Variants in SPOCK1 observed in about 807,000 individuals in gnomAD.
The protein encoded by SPOCK1 is testican-1.
SPOCK1 carries 23 observed loss-of-function variants against 55.3 expected under a neutral mutation model. The observed-to-expected ratio is 0.42, with a 90% CI of 0.30 to 0.59. SPOCK1 has a LOEUF of 0.59. Ranked by LOEUF, SPOCK1 falls within the 20% of genes least tolerant of loss-of-function variation. The pLI is 0.22. For missense variants in SPOCK1, 499 were observed against 552.5 expected, an observed-to-expected ratio of 0.90 and a Z score of 0.97; for synonymous variants, 226 against 221.0, an observed-to-expected ratio of 1.02 and a Z score of -0.20.
chr5:137,204,144 C>T (rs1244570156), intron 3 of SPOCK1, among the ~76,000 whole-genome samples: 4 of 152,196 alleles, frequency 2.6e-5, no homozygotes, highest in African/African-American at 9.6e-5. Flanking sequence ...CTACTCCTAA[C>T]TCTTGGTCTG....
chr5:137,170,279 T>C (rs1237629583), intron 3 of SPOCK1, among the ~76,000 whole-genome samples: 1 of 152,214 alleles, frequency 6.6e-6, no homozygotes, highest in Non-Finnish European at 1.5e-5. Flanking sequence ...TATTTTTGAT[T>C]CATGGTTGGT....
rs577839256 is a variant in SPOCK1, at chr5:137,418,254, G to A, written c.186+80119C>T. On this transcript the variant is annotated intron_variant, in intron 2 of 10. Transcript: ENST00000394945. ...AGTCTTTGCTATTGTGAATAGTGCCGCAATAAACACACGTGTACATGTGTC... is the reference window on the plus strand; with the variant it reads ...AGTCTTTGCTATTGTGAATAGTGCCACAATAAACACACGTGTACATGTGTC... 1.1e-3 allele frequency among the ~76,000 whole-genome samples: 171 copies of A among 151,996 alleles called. 5 individuals carry two copies. Among genetic ancestry groups the A allele is most frequent in the Admixed American group, 8.5e-4 (13 of 15,252 alleles).
chr5:137,063,164 C>T (rs969809878), intron 6 of SPOCK1, among the ~76,000 whole-genome samples: 23 of 144,550 alleles, frequency 1.6e-4, no homozygotes, highest in African/African-American at 5.2e-4. Flanking sequence ...ACCCGGGAAG[C>T]GGAGCTTGCA....
intron 2 of SPOCK1, among the ~76,000 whole-genome samples, chr5:137,408,770 C>A (rs1469635792): frequency 6.6e-6 from 1 of 152,192 alleles, no homozygotes; most frequent in Admixed American, 6.5e-5. Flanking sequence ...CCCTGGAAAT[C>A]AGAATAAGAT....
At chr5:137,062,771 G>T (rs1161843532) in intron 6 of SPOCK1, among the ~76,000 whole-genome samples, 1 of 151,960 alleles carries the variant, frequency 6.6e-6, no homozygotes, top group Non-Finnish European at 1.5e-5. Context: ...CCAACGCAGA[G>T]ATTTCAATTT....
intron 2 of SPOCK1, chr5:137,364,989 G>T (rs1219204117): frequency 4.6e-5 from 7 of 152,260 alleles, no homozygotes; most frequent in Admixed American, 4.6e-4. Flanking sequence ...GTCCCAGATG[G>T]AATGTGAGCT....
chr5:137,296,109 T>G (rs972291861), intron 2 of SPOCK1, among the ~76,000 whole-genome samples: 10 of 152,182 alleles, frequency 6.6e-5, no homozygotes, highest in African/African-American at 2.2e-4. Flanking sequence ...GAGGACACAG[T>G]GAGAAAACAG....
At chr5:137,434,191 G>C (rs897686526) in intron 2 of SPOCK1, among the ~76,000 whole-genome samples, 3 of 152,198 alleles carry the variant, frequency 2.0e-5, no homozygotes, top group African/African-American at 7.2e-5. Context: ...TTCGTGAACA[G>C]CCTCCAAATA....
chr5:137,143,196 TG>T (rs1754131511), intron 3 of SPOCK1, among the ~76,000 whole-genome samples: 1 of 112,870 alleles, frequency 8.9e-6, no homozygotes, highest in Admixed American at 8.7e-5. Flanking sequence ...GCAGAGAACT[TG>T]AGATTTTCAC....
chr5:137,371,556 T>C (rs1159695669), intron 2 of SPOCK1, among the ~76,000 whole-genome samples: 2 of 152,312 alleles, frequency 1.3e-5, no homozygotes, highest in South Asian at 4.1e-4. Flanking sequence ...ATGAACTGCA[T>C]ACACAGCCTT....
intron 5 of SPOCK1, among the ~76,000 whole-genome samples, chr5:137,089,563 C>T (rs1418419649): frequency 6.6e-6 from 1 of 152,160 alleles, no homozygotes; most frequent in East Asian, 1.9e-4. Context: ...TCAGCATCTC[C>T]TCAGTGACCT....
chr5:137,417,174 T>C (rs1027564503), intron 2 of SPOCK1, among the ~76,000 whole-genome samples: 1 of 152,044 alleles, frequency 6.6e-6, no homozygotes, highest in Admixed American at 6.6e-5. Flanking sequence ...GAGCCCAAGT[T>C]CTTAACGTTA....
At chr5:137,143,649 T>A (rs899151668) in intron 3 of SPOCK1, among the ~76,000 whole-genome samples, 2 of 152,244 alleles carry the variant, frequency 1.3e-5, no homozygotes, top group Non-Finnish European at 2.9e-5. Context: ...GCACCTCATA[T>A]GTGTTTATTA....
At chr5:136,985,259 G>A in intron 8 of SPOCK1, 57 bp from the exon 9 acceptor site, 2 of 1,467,226 alleles carry the variant, frequency 1.4e-6, no homozygotes, top group Admixed American at 1.7e-5. Context: ...AATCGCTAAT[G>A]ATTGACTTCA....
Position 137,272,044 on chromosome 5 carries a change from T to C in SPOCK1, c.187-4989A>G, listed in dbSNP as rs913105182. Among the ~76,000 whole-genome samples, 4 of 152,300 alleles carry C rather than the reference T, an allele frequency of 2.6e-5. No homozygotes were observed. In the South Asian group the frequency reaches 8.3e-4, roughly 32 times the overall value. On this transcript the variant is annotated intron_variant, in intron 2 of 10. Transcript: ENST00000394945. Reference sequence around the variant, plus strand: ...ATTAAAAGGAGGGCAGGTAGTCATTTTGGAGTTGTCTGTGGGCTGATTGCA... The same window carrying C: ...ATTAAAAGGAGGGCAGGTAGTCATTCTGGAGTTGTCTGTGGGCTGATTGCA...
At chr5:137,002,539 C>G (rs951907463) in intron 6 of SPOCK1, among the ~76,000 whole-genome samples, 3 of 151,934 alleles carry the variant, frequency 2.0e-5, no homozygotes. Flanking sequence ...CCAAGTCTGG[C>G]TTTAGCTGTG....
intron 3 of SPOCK1, among the ~76,000 whole-genome samples, chr5:137,157,690 A>G (rs1330626940): frequency 7.2e-5 from 11 of 152,154 alleles, no homozygotes; most frequent in Non-Finnish European, 2.9e-5. Context: ...AACCTCTGAA[A>G]TGATATGAAT....
In SPOCK1 at chr5:137,218,726, T is replaced by C. The variant is rs766873178; in HGVS notation, c.232+48284A>G. ...AGCAAGCTGCCAGAATTGAGTCCTA[T>C]AGTAGCTAGTCAGATTCTTCCCCTA... On this transcript the variant is annotated intron_variant, in intron 3 of 10. Transcript: ENST00000394945. 8.8e-4 allele frequency among the ~76,000 whole-genome samples: 134 copies of C among 152,266 alleles called. 1 individual carries two copies. The highest frequency in any genetic ancestry group is 2.9e-3 in the African/African-American group (119 of 41,566).
intron 2 of SPOCK1, among the ~76,000 whole-genome samples, chr5:137,418,729 AATT>A (rs1428377994): frequency 6.6e-6 from 1 of 152,070 alleles, no homozygotes; most frequent in African/African-American, 2.4e-5. Flanking sequence ...AGATTGCAAA[AATT>A]TTCTCCCATT....
Sources: gnomAD v4.1 joint callset for allele counts (sites outside exome capture counted in the v4.1 genomes callset) on GRCh38, gnomAD v4.1.1 for gene constraint, MANE v1.5 for transcripts, NCBI Gene and HGNC (gene_info 2026-07-23, HGNC 2026-07-21) for gene names.